Variants in NLRP4 observed in about 807,000 individuals in gnomAD.
The protein encoded by NLRP4 is NLR family pyrin domain containing 4, also known as NACHT, LRR and PYD domains-containing protein 4.
Under a neutral mutation model 84.7 loss-of-function variants are expected in NLRP4, and 44 were observed. The ratio of observed to expected loss-of-function variants is 0.52; its 90% confidence interval spans 0.41 to 0.67. The LOEUF (loss-of-function observed/expected upper bound fraction) is 0.67, where lower values mean the gene tolerates loss of function less well. Ranked by LOEUF, NLRP4 falls within the 30% of genes least tolerant of loss-of-function variation. The pLI is 0.00. For synonymous variants in NLRP4, 544 were observed against 476.4 expected (o/e 1.14, Z -1.85); for missense variants, 1,260 against 1,219.4 (o/e 1.03, Z -0.50).
intron 5 of NLRP4, among the ~76,000 whole-genome samples, chr19:55,865,235 G>C (rs1984912257): frequency 6.6e-6 from 1 of 152,294 alleles, no homozygotes; most frequent in Non-Finnish European, 1.5e-5. Flanking sequence ...GAGAACATGT[G>C]ATATTTGGAT....
At chr19:55,861,693 G>T in intron 4 of NLRP4, 146 bp downstream of exon 4, 1 of 739,172 alleles carries the variant, frequency 1.4e-6, no homozygotes. Flanking sequence ...GACATCTCAT[G>T]CAGATCATTC....
chr19:55,850,050 C>CAAAAAT (rs1983998030), intron 1 of NLRP4, among the ~76,000 whole-genome samples: 1 of 139,164 alleles, frequency 7.2e-6, no homozygotes, highest in Non-Finnish European at 1.5e-5. Context: ...GTGTGATTTC[C>CAAAAAT]GTAGCTGCGG....
rs1985147461 is a variant in NLRP4 at position 55,870,821 on chromosome 19, C to T, written c.2355-6C>T. ...CACTCTCCTTCTCGTGTTTTTGTCC[C>T]CATAGGTTGGCTTTCTGCCACCTCA... is the stretch of plus-strand genomic sequence containing the variant. On this transcript the variant is annotated splice_region_variant and splice_polypyrimidine_tract_variant and intron_variant, in intron 6 of 9. Transcript: ENST00000301295. 1 of 1,611,586 alleles carries T rather than the reference C, an allele frequency of 6.2e-7. No homozygotes were observed. Among genetic ancestry groups the T allele is most frequent in the Non-Finnish European group, 8.5e-7 (1 of 1,177,940 alleles).
intron 1 of NLRP4, among the ~76,000 whole-genome samples, 175 bp downstream of exon 1, chr19:55,837,109 A>G (rs1488133943): frequency 6.6e-6 from 1 of 152,144 alleles, no homozygotes; most frequent in Non-Finnish European, 1.5e-5. Flanking sequence ...CTGCAGAGAG[A>G]TGTGTTGGTA....
chr19:55,868,535 T>C (rs1481840403), intron 6 of NLRP4, among the ~76,000 whole-genome samples: 2 of 148,900 alleles, frequency 1.3e-5, no homozygotes, highest in Non-Finnish European at 3.0e-5. Flanking sequence ...TGAGTTTTGC[T>C]CTTGTTGCCC....
At position 55,877,026 on chromosome 19, in the gene NLRP4, C is replaced by A. The variant is rs1486088818; in HGVS notation, c.2556C>A (p.Gly852=). The change falls in exon 8 of 10, where the codon GGC becomes GGA. Residue 852 remains glycine (G), a synonymous_variant. Transcript: ENST00000301295. ...CLVKCFITAA[G]CEDLASALIS... ...TAAAATGTTTTATCACTGCTGCTGG[C>A]TGTGAAGACCTCGCCTCTGCTCTCA... is the stretch of plus-strand genomic sequence containing the variant. 14 of 1,613,978 alleles carry A rather than the reference C, an allele frequency of 8.7e-6. No homozygotes were observed. The highest frequency in any genetic ancestry group is 1.2e-5 in the Non-Finnish European group (14 of 1,179,880).
At chr19:55,868,125 CTG>C (rs1428632169) in intron 6 of NLRP4, among the ~76,000 whole-genome samples, 1 of 152,240 alleles carries the variant, frequency 6.6e-6, no homozygotes, top group Non-Finnish European at 1.5e-5. Flanking sequence ...TCAAGTGAGA[CTG>C]TCTATACAGA....
chr19:55,864,877 ATCT>A (rs1227938505), intron 5 of NLRP4, among the ~76,000 whole-genome samples: 5 of 152,136 alleles, frequency 3.3e-5, no homozygotes, highest in Admixed American at 6.5e-5. Context: ...TCATTTCTAT[ATCT>A]TCTTTGGAGA....
At position 55,859,237 on chromosome 19, in the gene NLRP4, A is replaced by G; in HGVS notation, c.1844A>G (p.Glu615Gly). The change falls in exon 3 of 10, where the codon GAA becomes GGA. Residue 615 changes from glutamate (E) to glycine (G), a missense_variant. This residue lies in a region of NLRP4 where 544 missense variants were observed against 531.7 expected (regional missense o/e 1.02). Transcript: ENST00000301295. ...CAAAATGTCTTTAAGAAAGAGGATG[A>G]ACACAGCTCTACGTGAGTCCATCCT... ...SVQNVFKKED[E>G]HSSTSDYSLI... 1 of 1,602,570 alleles carries G rather than the reference A, an allele frequency of 6.2e-7. No homozygotes were observed. Among genetic ancestry groups the G allele is most frequent in the Non-Finnish European group, 8.5e-7 (1 of 1,170,650 alleles).
At chr19:55,876,751 T>A (rs1017984531) in intron 7 of NLRP4, among the ~76,000 whole-genome samples, 4 of 152,226 alleles carry the variant, frequency 2.6e-5, no homozygotes, top group African/African-American at 7.2e-5. Context: ...ACAATGTAAA[T>A]GTTGTGTGAA....
chr19:55,861,937 G>A, intron 4 of NLRP4, 55 bp from the exon 5 acceptor site: 2 of 1,164,300 alleles, frequency 1.7e-6, no homozygotes, highest in Non-Finnish European at 1.3e-6. Context: ...ACACAGGTGT[G>A]CAGGCTGTGC....
chr19:55,861,872 G>A, intron 4 of NLRP4, 120 bp from the exon 5 acceptor site: 1 of 769,098 alleles, frequency 1.3e-6, no homozygotes. Context: ...CTACTGAGCT[G>A]TGTCATTGGG....
chr19:55,854,131 G>A (rs561782777), intron 2 of NLRP4, among the ~76,000 whole-genome samples: 8 of 151,900 alleles, frequency 5.3e-5, no homozygotes, highest in Non-Finnish European at 8.8e-5. Context: ...CACCACACCC[G>A]GCTAATTTTT....
intron 2 of NLRP4, among the ~76,000 whole-genome samples, chr19:55,854,944 G>C (rs1034375676): frequency 1.5e-4 from 23 of 152,282 alleles, no homozygotes; most frequent in Middle Eastern, 3.4e-3. Context: ...GGCTGGTGTT[G>C]AACTGCTGAC....
intron 1 of NLRP4, among the ~76,000 whole-genome samples, chr19:55,844,306 TG>T (rs1983713723): frequency 6.6e-6 from 1 of 152,090 alleles, no homozygotes; most frequent in Non-Finnish European, 1.5e-5. Flanking sequence ...TTTTTCGAGA[TG>T]GAGTCTCACT....
intron 6 of NLRP4, among the ~76,000 whole-genome samples, chr19:55,869,815 T>A (rs1012408567): frequency 6.6e-6 from 1 of 151,578 alleles, no homozygotes; most frequent in African/African-American, 2.4e-5. Flanking sequence ...CTGGCTGGGA[T>A]TGGAGGCTCA....
At chr19:55,871,094 C>T in intron 7 of NLRP4, 97 bp downstream of exon 7, 2 of 1,055,824 alleles carry the variant, frequency 1.9e-6, no homozygotes, top group South Asian at 3.0e-5. Flanking sequence ...GCTGTAGTGT[C>T]TGTGCCTGGG....
At chr19:55,850,603 T>TAATTTCCGTGGCTGCGGTGC (rs1568659120) in intron 1 of NLRP4, among the ~76,000 whole-genome samples, 21 of 98,656 alleles carry the variant, frequency 2.1e-4, no homozygotes, top group Non-Finnish European at 2.8e-4. Flanking sequence ...GGCTGCGGTG[T>TAATTTCCGTGGCTGCGGTGC]AATTTACGAG....
chr19:55,845,743 AT>A (rs1408066490), intron 1 of NLRP4, among the ~76,000 whole-genome samples: 7 of 151,020 alleles, frequency 4.6e-5, no homozygotes, highest in Non-Finnish European at 7.4e-5. Context: ...ATGGTATCTC[AT>A]TGTGGTTTTG....
Sources: gnomAD v4.1 joint callset for allele counts (sites outside exome capture counted in the v4.1 genomes callset) on GRCh38, gnomAD v4.1.1 for gene constraint, gnomAD v4.1.1 regional missense constraint, MANE v1.5 for transcripts, NCBI Gene and HGNC (gene_info 2026-07-23, HGNC 2026-07-21) for gene names.